GPC3: variants seen among roughly 807,000 people sequenced by gnomAD.
GPC3 encodes the protein glypican 3, also known as glypican-3.
Under a neutral mutation model 34.4 loss-of-function variants are expected in GPC3, and 3 were observed. The ratio of observed to expected loss-of-function variants is 0.09; its 90% CI spans 0.04 to 0.23. The LOEUF is 0.23. GPC3 is among the 10% of genes least tolerant of loss of function. The pLI, the probability that GPC3 is intolerant of heterozygous loss-of-function variation, is 1.00. For missense variants in GPC3, 351 were observed against 445.6 expected, an observed-to-expected ratio of 0.79 and a Z score of 1.91; for synonymous variants, 177 against 174.0, an observed-to-expected ratio of 1.02 and a Z score of -0.13.
chrX:133,643,607 A>G (rs2070507086), intron 6 of GPC3, among the ~76,000 whole-genome samples: 1 of 111,751 alleles, frequency 8.9e-6, no homozygotes, highest in Non-Finnish European at 1.9e-5. Flanking sequence ...TATTCCACAT[A>G]CATATATACA....
At chrX:133,714,647 C>T (rs935032194) in intron 3 of GPC3, among the ~76,000 whole-genome samples, 3 of 111,318 alleles carry the variant, frequency 2.7e-5, no homozygotes, top group Admixed American at 1.9e-4. Context: ...ATTAATTCAT[C>T]ACCTACTATG....
chrX:133,630,581 C>T lies in GPC3; in HGVS notation c.1413+31149G>A, dbSNP rs2070354428. Among the ~76,000 whole-genome samples, 6 of 111,371 alleles carry T rather than the reference C, an allele frequency of 5.4e-5. No individual in the cohort carries two copies. In the South Asian group the frequency reaches 2.3e-3, roughly 43 times the overall value. On this transcript the variant is annotated intron_variant, in intron 6 of 7. Coordinates refer to ENST00000370818, the MANE Select transcript of GPC3 (RefSeq NM_004484.4). ...TATAATCAGACACTGAAGATTGTTG[C>T]CTCCTAAGAGTAGTTTCTAAATTTG...
At chrX:133,765,419 C>T (rs1027235328) in intron 2 of GPC3, among the ~76,000 whole-genome samples, 10 of 111,969 alleles carry the variant, frequency 8.9e-5, no homozygotes, top group African/African-American at 3.2e-4. Context: ...ATGAAAGATT[C>T]TGCACCTTAA....
intron 2 of GPC3, among the ~76,000 whole-genome samples, chrX:133,764,742 G>T (rs2071830257): frequency 8.9e-6 from 1 of 111,747 alleles, no homozygotes; most frequent in Admixed American, 9.5e-5. Context: ...GTTTTACTGT[G>T]GACACACCAA....
At chrX:133,880,678 G>A (rs73568904) in intron 2 of GPC3, among the ~76,000 whole-genome samples, 2,580 of 111,856 alleles carry the variant, frequency 0.023, 81 homozygotes, top group African/African-American at 0.08. Context: ...TTGTGAATGA[G>A]ATTTATCCAA....
chrX:133,908,888 A>G (rs1486618920), intron 2 of GPC3, among the ~76,000 whole-genome samples: 1 of 112,266 alleles, frequency 8.9e-6, no homozygotes, highest in Non-Finnish European at 1.9e-5. Context: ...CTTTACATCT[A>G]TCACTGTTAA....
chrX:133,849,849 T>C (rs778615263), intron 2 of GPC3, among the ~76,000 whole-genome samples: 1 of 111,824 alleles, frequency 8.9e-6, no homozygotes, highest in African/African-American at 3.3e-5. Context: ...AAGAAGTCCT[T>C]TGAGGGCAGA....
chrX:133,690,574 C>A (rs1315326290), intron 5 of GPC3, among the ~76,000 whole-genome samples: 1 of 111,894 alleles, frequency 8.9e-6, no homozygotes, highest in Non-Finnish European at 1.9e-5. Flanking sequence ...TATTGGGTCC[C>A]ACTAGAATGT....
At chrX:133,700,736 C>CATGGTGG (rs2071160570) in intron 3 of GPC3, among the ~76,000 whole-genome samples, 1 of 110,532 alleles carries the variant, frequency 9.0e-6, no homozygotes, top group African/African-American at 3.3e-5. Context: ...ATTAGCCAGG[C>CATGGTGG]ATGGTGGCGT....
chrX:133,874,356 A>T (rs2076006438), intron 2 of GPC3, among the ~76,000 whole-genome samples: 1 of 111,139 alleles, frequency 9.0e-6, no homozygotes, highest in African/African-American at 3.3e-5. Context: ...CACCTCCTTT[A>T]TTTCATGTAA....
rs201527178 is a variant in GPC3 at position 133,978,745 on chromosome X, A to G, written c.175+6530T>C. 2.7e-5 allele frequency among the ~76,000 whole-genome samples: 3 copies of G among 112,327 alleles called. No individual in the cohort carries two copies. The East Asian group carries it at 8.3e-4, about 31-fold the overall frequency. ...TCATTCAGTCTATAAATACATATTG[A>G]GTACCTATTATTTGTACCCTGTACT... On this transcript the variant is annotated intron_variant, in intron 1 of 7. Transcript: ENST00000370818.
At chrX:133,819,333 C>T (rs1323084519) in intron 2 of GPC3, among the ~76,000 whole-genome samples, 1 of 108,204 alleles carries the variant, frequency 9.2e-6, no homozygotes, top group Non-Finnish European at 1.9e-5. Context: ...CTGACAGTCC[C>T]TTCCCTTCTA....
chrX:133,640,172 T>A (rs950756536), intron 6 of GPC3, among the ~76,000 whole-genome samples: 1 of 112,060 alleles, frequency 8.9e-6, no homozygotes, highest in African/African-American at 3.2e-5. Context: ...TAGGTGTTGA[T>A]ATGTGGTGGT....
At chrX:133,893,082 C>T (rs1438872309) in intron 2 of GPC3, among the ~76,000 whole-genome samples, 1 of 110,861 alleles carries the variant, frequency 9.0e-6, no homozygotes, top group Non-Finnish European at 1.9e-5. Flanking sequence ...ATGGTGAAAC[C>T]CTGTCTCTAC....
chrX:133,661,604 C>CTT (rs2070721734), intron 6 of GPC3, 126 bp downstream of exon 6: 2 of 26,097 alleles, frequency 7.7e-5, no homozygotes, highest in Non-Finnish European at 1.3e-4. Context: ...CTCTCTCTCT[C>CTT]TCTCTCTCTC....
intron 1 of GPC3, among the ~76,000 whole-genome samples, chrX:133,979,061 G>A (rs2076527906): frequency 1.8e-5 from 2 of 112,341 alleles, no homozygotes; most frequent in Non-Finnish European, 3.8e-5. Flanking sequence ...ACTGAGACAT[G>A]TACATTTTTC....
At chrX:133,954,194 T>C (rs962878339) in intron 1 of GPC3, among the ~76,000 whole-genome samples, 2 of 111,272 alleles carry the variant, frequency 1.8e-5, no homozygotes, top group Non-Finnish European at 3.8e-5. Flanking sequence ...GAGGAAGGGT[T>C]TATAAAGAGT....
chrX:133,853,689 G>A lies in GPC3; in HGVS notation c.337+99361C>T, dbSNP rs144100822. Among the ~76,000 whole-genome samples, 399 of 112,279 alleles carry A rather than the reference G, an allele frequency of 3.6e-3. 3 individuals are homozygous for A. The highest frequency in any genetic ancestry group is 0.012 in the African/African-American group (375 of 30,990). ...CCTTGAAGAACAGAATCTATTGAGGGAGGCAAAAATGAAAACAAATAATTG... is the reference window on the plus strand; with the variant it reads ...CCTTGAAGAACAGAATCTATTGAGGAAGGCAAAAATGAAAACAAATAATTG... On this transcript the variant is annotated intron_variant, in intron 2 of 7. Transcript: ENST00000370818.
chrX:133,914,826 T>C (rs1484286921), intron 2 of GPC3, among the ~76,000 whole-genome samples: 1 of 105,527 alleles, frequency 9.5e-6, no homozygotes, highest in Non-Finnish European at 1.9e-5. Context: ...CTATAATTTT[T>C]TGAAAAATTC....
Sources: allele counts gnomAD v4.1 joint callset (sites outside exome capture counted in the v4.1 genomes callset), GRCh38; gene constraint gnomAD v4.1.1; transcripts MANE v1.5; gene names NCBI Gene and HGNC (gene_info 2026-07-23, HGNC 2026-07-21).